The following SAMD3 variants were observed in gnomAD, a reference collection of about 807,000 sequenced individuals.
The protein encoded by SAMD3 is sterile alpha motif domain containing 3, also known as sterile alpha motif domain-containing protein 3.
SAMD3 carries 63 observed loss-of-function variants against 58.5 expected under a neutral mutation model. The observed-to-expected ratio is 1.08, with a 90% CI of 0.88 to 1.33. The LOEUF (loss-of-function observed/expected upper bound fraction) is 1.33, where lower values mean the gene tolerates loss of function less well. Ranked by LOEUF, SAMD3 falls within the 40% of genes most tolerant of loss-of-function variation. SAMD3 has a pLI of 0.00. For missense variants in SAMD3, 604 were observed against 608.4 expected, an observed-to-expected ratio of 0.99 and a Z score of 0.08; for synonymous variants, 220 against 210.3, an observed-to-expected ratio of 1.05 and a Z score of -0.40.
chr6:130,183,301 T>C (rs560983233), intron 7 of SAMD3: 59 of 425,414 alleles, frequency 1.4e-4, no homozygotes, highest in African/African-American at 1.3e-3. Context: ...CGCGCCACTA[T>C]ACTCCAGCCT....
At chr6:130,299,436 C>T (rs956326531) in intron 2 of SAMD3, among the ~76,000 whole-genome samples, 3 of 151,960 alleles carry the variant, frequency 2.0e-5, no homozygotes, top group Admixed American at 1.3e-4. Context: ...GGAGACACAA[C>T]ACACCAAAAT....
intron 8 of SAMD3, among the ~76,000 whole-genome samples, chr6:130,166,692 G>A (rs1478428936): frequency 2.6e-5 from 4 of 152,172 alleles, no homozygotes; most frequent in Non-Finnish European, 5.9e-5. Context: ...AGAAAAAGAT[G>A]CAAACCCATT....
At chr6:130,226,016 C>G (rs950524879), upstream of SAMD3, among the ~76,000 whole-genome samples, 6 of 152,210 alleles carry the variant, frequency 3.9e-5, no homozygotes, top group Non-Finnish European at 4.4e-5. Context: ...TCCAGTTATT[C>G]TCTTCCTGGT....
In SAMD3 at chr6:130,365,315, T is replaced by G. The variant is rs140220041; in HGVS notation, c.-499A>C. 4,338 of 985,468 alleles carry G rather than the reference T, an allele frequency of 4.4e-3. 151 individuals are homozygous for G. In the African/African-American group the frequency reaches 0.067, roughly 15 times the overall value. 61.0% of individuals were successfully genotyped at this position (985,468 alleles called of 1,614,324 possible). A position where few individuals can be genotyped will look rare whatever the true frequency, so the allele number is the denominator to read the frequency against. On this transcript the variant is annotated 5_prime_UTR_variant, in exon 1 of 14. Coordinates refer to the SAMD3 transcript ENST00000368134. ...CGAAGACCCCCGTGCTTCAGTTCCC[T>G]CTGTCTTCCATTTCCCCCGCCCATG...
intron 2 of SAMD3, among the ~76,000 whole-genome samples, chr6:130,311,744 G>GA (rs11284707): frequency 1.3e-5 from 2 of 151,116 alleles, no homozygotes; most frequent in Non-Finnish European, 2.9e-5. Flanking sequence ...GAGGAGAGGG[G>GA]AAAAAAGAGC....
intron 2 of SAMD3, among the ~76,000 whole-genome samples, chr6:130,279,676 G>C (rs1774914706): frequency 6.6e-6 from 1 of 152,068 alleles, no homozygotes; most frequent in East Asian, 1.9e-4. Context: ...GTACAGACAG[G>C]GTTTCATCAT....
At chr6:130,193,765 A>G (rs1054058569) in intron 5 of SAMD3, among the ~76,000 whole-genome samples, 1 of 152,222 alleles carries the variant, frequency 6.6e-6, no homozygotes, top group African/African-American at 2.4e-5. Flanking sequence ...GGCACTTTCA[A>G]GTTTTCCATC....
intron 2 of SAMD3, among the ~76,000 whole-genome samples, chr6:130,294,680 C>A (rs1775496018): frequency 1.4e-5 from 2 of 148,136 alleles, no homozygotes; most frequent in South Asian, 4.3e-4. Context: ...TTATATAACT[C>A]CCTGCTTTTT....
intron 1 of SAMD3, among the ~76,000 whole-genome samples, chr6:130,326,849 G>A (rs1546555): frequency 0.49 from 73,954 of 151,998 alleles, 22,059 homozygotes; most frequent in African/African-American, 0.85. Context: ...AACTGCACCA[G>A]TCATCCAACC....
intron 7 of SAMD3, among the ~76,000 whole-genome samples, chr6:130,180,749 A>G (rs1313950260): frequency 6.6e-6 from 1 of 152,056 alleles, no homozygotes; most frequent in African/African-American, 2.4e-5. Context: ...TGCTACTCAC[A>G]CCTAGTGGGT....
intron 2 of SAMD3, among the ~76,000 whole-genome samples, chr6:130,295,895 C>A (rs1393386195): frequency 6.6e-6 from 1 of 152,152 alleles, no homozygotes; most frequent in Admixed American, 6.5e-5. Flanking sequence ...GTTTAGTTTT[C>A]CCAAACATAG....
rs754376121 is a variant in SAMD3 at position 130,264,783 on chromosome 6, A to C, written c.-187-41970T>G. ...ACAGCAACAAGCTTTTCATGAGTTA[A>C]AAGAAAAACTCATGTCGGCCTCAGT... On this transcript the variant is annotated intron_variant, in intron 2 of 13. Transcript: ENST00000368134. Among the ~76,000 whole-genome samples the C allele has an allele frequency of 4.6e-5, 7 of 152,342 alleles. No homozygotes were observed. The South Asian group carries it at 1.4e-3, about 32-fold the overall frequency.
intron 1 of SAMD3, among the ~76,000 whole-genome samples, chr6:130,321,806 A>C (rs1776595327): frequency 6.6e-6 from 1 of 151,968 alleles, no homozygotes; most frequent in Non-Finnish European, 1.5e-5. Flanking sequence ...CTTTATATAA[A>C]ATTTGAAAAA....
intron 1 of SAMD3, among the ~76,000 whole-genome samples, chr6:130,339,277 G>C (rs1777197752): frequency 6.6e-6 from 1 of 152,068 alleles, no homozygotes; most frequent in African/African-American, 2.4e-5. Flanking sequence ...TCGATCCCCT[G>C]ACCTCGTGAT....
chr6:130,317,529 G>A (rs1776421176), intron 1 of SAMD3, among the ~76,000 whole-genome samples: 1 of 152,292 alleles, frequency 6.6e-6, no homozygotes, highest in East Asian at 1.9e-4. Flanking sequence ...GAAATACTGG[G>A]AATGTCAGGA....
chr6:130,169,316 G>A (rs1791019847), intron 8 of SAMD3, among the ~76,000 whole-genome samples: 1 of 152,020 alleles, frequency 6.6e-6, no homozygotes, highest in South Asian at 2.1e-4. Context: ...GAGTGTTTCT[G>A]TAATATTCCA....
chr6:130,175,330 A>G (rs1033561004), intron 8 of SAMD3, among the ~76,000 whole-genome samples: 1 of 152,154 alleles, frequency 6.6e-6, no homozygotes, highest in African/African-American at 2.4e-5. Context: ...ACGGGCCCTC[A>G]GCCTGGAGCT....
intron 2 of SAMD3, among the ~76,000 whole-genome samples, chr6:130,253,902 T>C (rs1367740966): frequency 6.6e-6 from 1 of 152,052 alleles, no homozygotes; most frequent in Non-Finnish European, 1.5e-5. Context: ...ACATTTAAAT[T>C]CTCTCCTGTT....
intron 1 of SAMD3, among the ~76,000 whole-genome samples, chr6:130,334,839 T>C (rs1777053598): frequency 6.6e-6 from 1 of 152,202 alleles, no homozygotes; most frequent in African/African-American, 2.4e-5. Context: ...ACCATCCGTG[T>C]GGTTATCTGA....
Sources: allele counts gnomAD v4.1 joint callset (sites outside exome capture counted in the v4.1 genomes callset), GRCh38; gene constraint gnomAD v4.1.1; transcripts MANE v1.5; gene names NCBI Gene and HGNC (gene_info 2026-07-23, HGNC 2026-07-21).